The following ATXN10 variants were observed in gnomAD, a reference collection of about 807,000 sequenced individuals.
The protein encoded by ATXN10 is ataxin 10.
In ATXN10, 28 loss-of-function variants were observed where a neutral mutation model predicts 52.9. The observed-to-expected ratio is 0.53, with a 90% CI of 0.39 to 0.73. The LOEUF is 0.73. Ranked by LOEUF, ATXN10 falls within the 30% of genes least tolerant of loss-of-function variation. The pLI, the probability that ATXN10 is intolerant of heterozygous loss-of-function variation, is 0.00. For missense variants in ATXN10, 565 were observed against 577.0 expected (o/e 0.98, Z 0.21); for synonymous variants, 226 against 221.5 (o/e 1.02, Z -0.18).
chr22:45,827,711 A>G lies in ATXN10; in HGVS notation c.1238-15280A>G, dbSNP rs574437653. On this transcript the variant is annotated intron_variant, in intron 10 of 11. Transcript: ENST00000252934. ...TGGAAACTTCATTACCCTACTCTCAATAATGGATAGAAGAACCAGACAGAA... is the reference window on the plus strand; with the variant it reads ...TGGAAACTTCATTACCCTACTCTCAGTAATGGATAGAAGAACCAGACAGAA... Among the ~76,000 whole-genome samples, 4 of 152,326 alleles carry G rather than the reference A, an allele frequency of 2.6e-5. No individual in the cohort carries two copies. The South Asian group carries it at 6.2e-4, about 24-fold the overall frequency.
Position 45,712,522 on chromosome 22 carries a change from C to T in ATXN10, c.648-5891C>T, listed in dbSNP as rs1246546788. ...TGTCACACTGCCAGTGAGTGTTGGG[C>T]TGAGACTCAAACCCAGCTCTTTCTG... On this transcript the variant is annotated intron_variant, in intron 5 of 11. Coordinates refer to ENST00000252934, the MANE Select transcript of ATXN10 (RefSeq NM_013236.4). The surrounding 1 kb of genome is among the most constrained non-coding windows in gnomAD (Gnocchi z 4.6). Among the ~76,000 whole-genome samples the T allele has an allele frequency of 6.6e-6, 1 of 152,162 alleles. No individual in the cohort carries two copies. The highest frequency in any genetic ancestry group is 2.4e-5 in the African/African-American group (1 of 41,446).
At position 45,833,909 on chromosome 22, in the gene ATXN10, C is replaced by G. The variant is rs372267701; in HGVS notation, c.1238-9082C>G. The stretch of plus-strand genomic sequence containing the variant: ...GATGCCAGAGCCTGACTGCCTACTT[C>G]CAAATCCACCTTGAACACATCCAGT... On this transcript the variant is annotated intron_variant, in intron 10 of 11. Transcript: ENST00000252934. This position sits in a 1 kb window ranked among gnomAD's most constrained non-coding sequence, Gnocchi z 4.3. Among the ~76,000 whole-genome samples, 37 of 152,294 alleles carry G rather than the reference C, an allele frequency of 2.4e-4. No homozygotes were observed. In the East Asian group the frequency reaches 6.2e-3, roughly 25 times the overall value.
chr22:45,814,678 G>A (rs1176853664), intron 10 of ATXN10, among the ~76,000 whole-genome samples: 2 of 152,266 alleles, frequency 1.3e-5, no homozygotes, highest in East Asian at 1.9e-4. Context: ...CCCCTCAGCC[G>A]CAGACCTGGT....
chr22:45,773,916 G>T (rs548729383), intron 9 of ATXN10, among the ~76,000 whole-genome samples: 1 of 152,186 alleles, frequency 6.6e-6, no homozygotes, highest in Non-Finnish European at 1.5e-5. Context: ...TTATCCACAG[G>T]TGTATTTCTA....
rs1478065588 is a variant in ATXN10 at position 45,843,540 on chromosome 22, A to C, written c.1426-129A>C. On this transcript the variant is annotated intron_variant, in intron 11 of 11. Transcript: ENST00000252934. This position sits in a 1 kb window ranked among gnomAD's most constrained non-coding sequence, Gnocchi z 4.5. ...AGAACTCCTTGAATAATATTGCATG[A>C]ATTGTTTTAGGTTTCTCTAAGTTAT... 2 of 824,646 alleles carry C rather than the reference A, an allele frequency of 2.4e-6. No individual in the cohort carries two copies. Among genetic ancestry groups the C allele is most frequent in the Non-Finnish European group, 4.1e-6 (2 of 485,890 alleles). The allele number at this position is 824,646 out of a possible 1,614,324, so 51.1% of individuals were successfully genotyped here.
intron 10 of ATXN10, among the ~76,000 whole-genome samples, chr22:45,809,314 C>G (rs142919335): frequency 6.8e-4 from 104 of 152,302 alleles, no homozygotes; most frequent in African/African-American, 2.5e-3. Context: ...TCTTTCCCCC[C>G]CTTTCTTGTG....
intron 1 of ATXN10, 51 bp downstream of exon 1, chr22:45,672,230 C>G: frequency 6.9e-7 from 1 of 1,442,742 alleles, no homozygotes. Flanking sequence ...GCGGCCGGGA[C>G]TCCCGCGGCG....
intron 9 of ATXN10, among the ~76,000 whole-genome samples, chr22:45,802,020 T>C (rs1457469127): frequency 3.3e-5 from 5 of 152,204 alleles, no homozygotes; most frequent in Non-Finnish European, 7.3e-5. Context: ...CCTAGTAGGT[T>C]TTCCCAAAGG....
At position 45,727,319 on chromosome 22, in the gene ATXN10, G is replaced by A. The variant is rs893027894; in HGVS notation, c.729-2106G>A. Among the ~76,000 whole-genome samples the A allele has an allele frequency of 5.9e-4, 80 of 136,248 alleles. No homozygotes were observed. Among genetic ancestry groups the A allele is most frequent in the East Asian group, 3.2e-3 (14 of 4,322 alleles). 89.4% of individuals were successfully genotyped at this position (136,248 alleles called of 152,430 possible). ...ATACTTGATATAGTTCTGTCTGTCT[G>A]TCTATCTATCTATATCTATCTATCT... On this transcript the variant is annotated intron_variant, in intron 6 of 11. Coordinates refer to ENST00000252934, the MANE Select transcript of ATXN10 (RefSeq NM_013236.4). This position sits in a 1 kb window ranked among gnomAD's most constrained non-coding sequence, Gnocchi z 4.6.
intron 9 of ATXN10, among the ~76,000 whole-genome samples, chr22:45,743,433 T>A (rs574714944): frequency 1.3e-5 from 2 of 152,358 alleles, no homozygotes; most frequent in South Asian, 4.1e-4. Flanking sequence ...TGCTCATTGT[T>A]GCCTCAAGGG....
In ATXN10 at chr22:45,689,905, T is replaced by TAA; in HGVS notation, c.308+3_308+4insAA. ...TTCTGTGAACCAGAATTCAATCAGG[T>TAA]AGTTACACACGTACCTTGGATTCTG... On this transcript the variant is annotated splice_region_variant and intron_variant, in intron 2 of 11. Coordinates refer to ENST00000252934, the MANE Select transcript of ATXN10 (RefSeq NM_013236.4). The TAA allele has an allele frequency of 1.9e-6, 3 of 1,613,788 alleles. No individual in the cohort carries two copies. The South Asian group carries it at 3.3e-5, about 18-fold the overall frequency.
chr22:45,697,588 G>T (rs1362811752), intron 3 of ATXN10, among the ~76,000 whole-genome samples: 1 of 151,982 alleles, frequency 6.6e-6, no homozygotes, highest in Non-Finnish European at 1.5e-5. Context: ...TTAATTATGT[G>T]ACCTTTGGTG....
chr22:45,729,600 G>A lies in ATXN10; in HGVS notation c.894+10G>A. 2 of 1,613,918 alleles carry A rather than the reference G, an allele frequency of 1.2e-6. No individual in the cohort carries two copies. Among genetic ancestry groups the A allele is most frequent in the African/African-American group, 2.7e-5 (2 of 75,014 alleles). On this transcript the variant is annotated intron_variant, in intron 7 of 11. Transcript: ENST00000252934. ...GCCTCCTGATGATGAGGTAAGGGAG[G>A]CAGATTTCCCAATCTCGGGTAAAAG... is the stretch of plus-strand genomic sequence containing the variant.
rs1448646015 is a variant in ATXN10, at chr22:45,816,609, A to G, written c.1237+9587A>G. Among the ~76,000 whole-genome samples, 2 of 152,224 alleles carry G rather than the reference A, an allele frequency of 1.3e-5. No homozygotes were observed. Among genetic ancestry groups the G allele is most frequent in the African/African-American group, 4.8e-5 (2 of 41,460 alleles). The stretch of plus-strand genomic sequence containing the variant: ...CCTGTACCCTGAGTGCATTCCCAAC[A>G]TTGGACCCTGTGAACCCAGGGGACT... On this transcript the variant is annotated intron_variant, in intron 10 of 11. Transcript: ENST00000252934. This position sits in a 1 kb window ranked among gnomAD's most constrained non-coding sequence, Gnocchi z 5.8.
rs375022584 is a variant in ATXN10 at position 45,713,717 on chromosome 22, G to T, written c.648-4696G>T. Among the ~76,000 whole-genome samples the T allele has an allele frequency of 2.0e-5, 3 of 152,098 alleles. No homozygotes were observed. The South Asian group carries it at 6.2e-4, about 32-fold the overall frequency. ...CAAAATGCATAGTTTACCCCCAGCC[G>T]TTTACCTAGTTCTTCCAACCACAAC... On this transcript the variant is annotated intron_variant, in intron 5 of 11. Coordinates refer to ENST00000252934, the MANE Select transcript of ATXN10 (RefSeq NM_013236.4).
rs377532564 is a variant in ATXN10, at chr22:45,820,304, G to A, written c.1237+13282G>A. The stretch of plus-strand genomic sequence containing the variant: ...AAGGAAGATGCAAGCTCTGATCACC[G>A]TCTAGTTGGAGAAACAGGCCATTGT... On this transcript the variant is annotated intron_variant, in intron 10 of 11. Coordinates refer to ENST00000252934, the MANE Select transcript of ATXN10 (RefSeq NM_013236.4). The surrounding 1 kb of genome is among the most constrained non-coding windows in gnomAD (Gnocchi z 4.9). Among the ~76,000 whole-genome samples the A allele has an allele frequency of 1.3e-5, 2 of 152,190 alleles. No individual in the cohort carries two copies. The highest frequency in any genetic ancestry group is 2.1e-4 in the South Asian group (1 of 4,828).
intron 9 of ATXN10, 49 bp downstream of exon 9, chr22:45,740,587 A>G (rs1198312297): frequency 1.9e-6 from 3 of 1,575,232 alleles, no homozygotes; most frequent in African/African-American, 1.4e-5. Flanking sequence ...TTCATTTAGA[A>G]TATAGTCCTT....
rs1177943271 is a variant in ATXN10, at chr22:45,702,732, T to G, written c.532T>G (p.Ser178Ala). Residue 178 changes from serine to alanine, a missense_variant, in exon 5 of 12, where the codon TCA becomes GCA. Physicochemically the swap from Ser to Ala is moderately conservative, Grantham distance 99. Transcript: ENST00000252934. ...HPDKKIVAYS[S>A]MILFTSLNHE... is the part of the protein sequence containing the mutation. ...GGACAAAAAAATTGTTGCCTACTCT[T>G]CAATGATTTTGTTTACATCCCTTAA... The G allele has an allele frequency of 1.2e-6, 2 of 1,614,012 alleles. No individual in the cohort carries two copies. Among genetic ancestry groups the G allele is most frequent in the Non-Finnish European group, 1.7e-6 (2 of 1,179,946 alleles).
At chr22:45,717,893 T>G (rs1032679138) in intron 5 of ATXN10, among the ~76,000 whole-genome samples, 1 of 152,166 alleles carries the variant, frequency 6.6e-6, no homozygotes, top group African/African-American at 2.4e-5. Flanking sequence ...ATCTTTGCCT[T>G]GGGGTTTCCA....
Sources: gnomAD v4.1 joint callset for allele counts (sites outside exome capture counted in the v4.1 genomes callset) on GRCh38, gnomAD v4.1.1 for gene constraint, Gnocchi (gnomAD v3.1) non-coding constraint, MANE v1.5 for transcripts, NCBI Gene and HGNC (gene_info 2026-07-23, HGNC 2026-07-21) for gene names.